XKR6: variants seen among roughly 807,000 people sequenced by gnomAD.
XKR6 encodes XK-related protein 6.
Under a neutral mutation model 56.7 loss-of-function variants are expected in XKR6, and 22 were observed. That is an observed-to-expected ratio of 0.39 (90% CI 0.28 to 0.55). The LOEUF (loss-of-function observed/expected upper bound fraction) is 0.55. XKR6 is among the 20% of genes least tolerant of loss of function. The probability of loss-of-function intolerance (pLI) is 0.66; values close to 1 mark genes in which losing one functional copy is unlikely to be tolerated. For missense variants in XKR6, 852 were observed against 889.0 expected, an observed-to-expected ratio of 0.96 and a Z score of 0.53; for synonymous variants, 524 against 387.8, an observed-to-expected ratio of 1.35 and a Z score of -4.13.
chr8:11,088,662 A>G (rs1797971630), intron 1 of XKR6, among the ~76,000 whole-genome samples: 1 of 152,352 alleles, frequency 6.6e-6, no homozygotes, highest in Admixed American at 6.5e-5. Context: ...TTTAGATTCA[A>G]GTGATGAGGA....
intron 1 of XKR6, among the ~76,000 whole-genome samples, chr8:10,978,704 C>T (rs1486624617): frequency 3.3e-5 from 5 of 152,224 alleles, no homozygotes; most frequent in Non-Finnish European, 5.9e-5. Context: ...TGGTTCTTTG[C>T]TTTGACAAAG....
At chr8:11,106,059 A>G (rs1798662462) in intron 1 of XKR6, 2 of 152,260 alleles carry the variant, frequency 1.3e-5, no homozygotes, top group South Asian at 2.1e-4. Flanking sequence ...TAGGGTTTCT[A>G]AAAAGCTACA....
chr8:10,908,955 A>G (rs571486328), intron 2 of XKR6, among the ~76,000 whole-genome samples: 1 of 152,342 alleles, frequency 6.6e-6, no homozygotes, highest in East Asian at 1.9e-4. Context: ...ACTTGAGGTC[A>G]GGAGTTTGAG....
At chr8:11,107,413 G>A (rs1798719218) in intron 1 of XKR6, among the ~76,000 whole-genome samples, 1 of 151,958 alleles carries the variant, frequency 6.6e-6, no homozygotes, top group African/African-American at 2.4e-5. Flanking sequence ...GTTAACTCCT[G>A]GCCTTGGGCA....
At chr8:10,955,687 T>A (rs35910832) in intron 1 of XKR6, among the ~76,000 whole-genome samples, 2 of 152,102 alleles carry the variant, frequency 1.3e-5, no homozygotes, top group Admixed American at 1.3e-4. Flanking sequence ...GGTTCTGTTT[T>A]CCCTGCCAGA....
intron 1 of XKR6, among the ~76,000 whole-genome samples, chr8:11,016,898 T>A (rs906853116): frequency 6.6e-6 from 1 of 152,250 alleles, no homozygotes; most frequent in Non-Finnish European, 1.5e-5. Flanking sequence ...CACCCAGATC[T>A]TCAGCGAGCA....
At chr8:11,134,802 A>C (rs1362879793) in intron 1 of XKR6, among the ~76,000 whole-genome samples, 1 of 152,126 alleles carries the variant, frequency 6.6e-6, no homozygotes, top group Non-Finnish European at 1.5e-5. Context: ...TATTTGTAAC[A>C]GCAAGAATTA....
At chr8:11,152,288 C>A (rs1235816187) in intron 1 of XKR6, among the ~76,000 whole-genome samples, 1 of 152,168 alleles carries the variant, frequency 6.6e-6, no homozygotes. Flanking sequence ...CTACAGTTGC[C>A]CTTCCTGAAA....
Position 11,137,467 on chromosome 8 carries a change from C to T in XKR6, c.764+63109G>A, listed in dbSNP as rs571652739. ...CAGTCCCTTACATCTTCAGCCGACA[C>T]GGAAGTCTTATCTGAGAATAGAATC... On this transcript the variant is annotated intron_variant, in intron 1 of 2. Transcript: ENST00000416569. The T allele has an allele frequency of 1.1e-4, 48 of 430,646 alleles. 1 individual carries two copies. Among genetic ancestry groups the T allele is most frequent in the South Asian group, 6.5e-4 (39 of 59,590 alleles). The allele number at this position is 430,646 out of a possible 1,614,324, so 26.7% of individuals were successfully genotyped here.
At chr8:10,965,685 C>T (rs1277268421) in intron 1 of XKR6, among the ~76,000 whole-genome samples, 1 of 152,204 alleles carries the variant, frequency 6.6e-6, no homozygotes, top group Non-Finnish European at 1.5e-5. Flanking sequence ...TCTCTCTTTC[C>T]GGCAGCTGCA....
At chr8:11,038,948 C>T (rs1799216144) in intron 1 of XKR6, among the ~76,000 whole-genome samples, 1 of 152,196 alleles carries the variant, frequency 6.6e-6, no homozygotes, top group South Asian at 2.1e-4. Flanking sequence ...TCACTCGTTT[C>T]CCACTAGGGC....
At chr8:11,124,100 T>G in intron 1 of XKR6, 1 of 430,672 alleles carries the variant, frequency 2.3e-6, no homozygotes, top group Non-Finnish European at 4.7e-6. Flanking sequence ...CATACTATAT[T>G]TTTACTTATT....
intron 1 of XKR6, among the ~76,000 whole-genome samples, chr8:11,119,643 G>GC (rs1799351184): frequency 6.6e-6 from 1 of 151,180 alleles, no homozygotes; most frequent in Non-Finnish European, 1.5e-5. Context: ...CCTTTTTTTT[G>GC]TTTTCTATTT....
chr8:11,201,572 C>G lies in XKR6; in HGVS notation c.-233G>C, dbSNP rs568660346. ...GCACGGCGCCCGCAGCTCCCCAGCC[C>G]TACCCTCCCGGCCAAGATGGCCGCC... On this transcript the variant is annotated 5_prime_UTR_variant, in exon 1 of 3. Transcript: ENST00000416569. Among the ~76,000 whole-genome samples the G allele has an allele frequency of 1.9e-4, 29 of 152,240 alleles. 2 individuals carry two copies. The South Asian group carries it at 6.0e-3, about 32-fold the overall frequency.
At chr8:11,120,199 C>G (rs990702979) in intron 1 of XKR6, among the ~76,000 whole-genome samples, 12 of 152,060 alleles carry the variant, frequency 7.9e-5, no homozygotes, top group African/African-American at 1.4e-4. Flanking sequence ...AATCAGGCAG[C>G]AGAAGGAAAT....
intron 1 of XKR6, among the ~76,000 whole-genome samples, chr8:11,020,374 C>T (rs1798723671): frequency 6.6e-6 from 1 of 152,244 alleles, no homozygotes; most frequent in South Asian, 2.1e-4. Flanking sequence ...AATATCTAGT[C>T]ATTCAGTAAT....
At chr8:11,122,758 T>A (rs1010969890) in intron 1 of XKR6, among the ~76,000 whole-genome samples, 1 of 152,200 alleles carries the variant, frequency 6.6e-6, no homozygotes, top group Non-Finnish European at 1.5e-5. Context: ...TCATTTTAGT[T>A]CATATTTATT....
At chr8:11,161,209 A>G (rs1036699081) in intron 1 of XKR6, among the ~76,000 whole-genome samples, 1 of 152,164 alleles carries the variant, frequency 6.6e-6, no homozygotes, top group Non-Finnish European at 1.5e-5. Flanking sequence ...AACCAACACA[A>G]ACGCTTCCGA....
At chr8:11,197,560 C>T (rs929651074) in intron 1 of XKR6, among the ~76,000 whole-genome samples, 1 of 152,158 alleles carries the variant, frequency 6.6e-6, no homozygotes, top group African/African-American at 2.4e-5. Flanking sequence ...ACAAAAAGCA[C>T]CTGAAAAATA....
Sources: allele counts gnomAD v4.1 joint callset (sites outside exome capture counted in the v4.1 genomes callset), GRCh38; gene constraint gnomAD v4.1.1; transcripts MANE v1.5; gene names NCBI Gene and HGNC (gene_info 2026-07-23, HGNC 2026-07-21).